The following ZCWPW2 variants were observed in gnomAD, a reference collection of about 807,000 sequenced individuals.
ZCWPW2 encodes the protein zinc finger CW-type and PWWP domain containing 2.
In ZCWPW2, 45 loss-of-function variants were observed where a neutral mutation model predicts 46.6. The observed-to-expected ratio is 0.96, with a 90% CI of 0.76 to 1.24. The LOEUF is 1.24. Among genes scored for constraint, ZCWPW2 ranks in the 50% most tolerant of loss-of-function variants. ZCWPW2 has a pLI of 0.00. For missense variants in ZCWPW2, 429 were observed against 403.9 expected (o/e 1.06, Z -0.53); for synonymous variants, 152 against 137.1 (o/e 1.11, Z -0.76).
chr3:28,432,429 T>C (rs1386450431), intron 3 of ZCWPW2, among the ~76,000 whole-genome samples: 2 of 152,192 alleles, frequency 1.3e-5, no homozygotes, highest in African/African-American at 2.4e-5. Flanking sequence ...GATTTTTGAA[T>C]GGTTTGGTAT....
intron 4 of ZCWPW2, among the ~76,000 whole-genome samples, chr3:28,453,847 TTA>T (rs1559510854): frequency 1.4e-5 from 2 of 148,110 alleles, no homozygotes; most frequent in African/African-American, 4.9e-5. Context: ...ATTTTTTTTA[TTA>T]TTATTTTTTT....
At chr3:28,465,167 A>G (rs1295924529) in intron 4 of ZCWPW2, among the ~76,000 whole-genome samples, 3 of 152,202 alleles carry the variant, frequency 2.0e-5, no homozygotes, top group African/African-American at 7.2e-5. Context: ...TATAATATAA[A>G]TGTGTTCCAA....
intron 6 of ZCWPW2, among the ~76,000 whole-genome samples, chr3:28,512,966 A>C (rs1353033866): frequency 6.6e-6 from 1 of 152,180 alleles, no homozygotes; most frequent in Non-Finnish European, 1.5e-5. Flanking sequence ...AAATTAGATG[A>C]ATTTTTATAA....
chr3:28,367,579 T>G (rs1340455121), intron 1 of ZCWPW2, among the ~76,000 whole-genome samples: 7 of 152,224 alleles, frequency 4.6e-5, no homozygotes, highest in African/African-American at 1.7e-4. Flanking sequence ...TTGGTCAGTT[T>G]TGGAACAGGT....
At chr3:28,353,314 T>G (rs916743234) in intron 1 of ZCWPW2, among the ~76,000 whole-genome samples, 3 of 152,224 alleles carry the variant, frequency 2.0e-5, no homozygotes, top group Non-Finnish European at 4.4e-5. Flanking sequence ...ATTTTAAAAT[T>G]TACTTTTTTT....
intron 8 of ZCWPW2, among the ~76,000 whole-genome samples, chr3:28,519,514 G>A (rs1700662975): frequency 6.6e-6 from 1 of 152,142 alleles, no homozygotes; most frequent in Non-Finnish European, 1.5e-5. Context: ...ATCATAACCT[G>A]CTATGATTTT....
At chr3:28,485,390 T>C (rs1699564697) in intron 5 of ZCWPW2, among the ~76,000 whole-genome samples, 2 of 152,206 alleles carry the variant, frequency 1.3e-5, no homozygotes, top group Non-Finnish European at 2.9e-5. Flanking sequence ...TTGGATGAAG[T>C]AGATTACAGA....
At chr3:28,393,909 A>T (rs2125720738) in intron 2 of ZCWPW2, among the ~76,000 whole-genome samples, 1 of 152,260 alleles carries the variant, frequency 6.6e-6, no homozygotes. Context: ...CTTCTGTGCA[A>T]CATACTAGAA....
intron 1 of ZCWPW2, among the ~76,000 whole-genome samples, chr3:28,374,382 G>A (rs1196308149): frequency 6.6e-6 from 1 of 151,994 alleles, no homozygotes; most frequent in Non-Finnish European, 1.5e-5. Context: ...GGTTACTTTG[G>A]CTTTGTATAG....
At position 28,460,252 on chromosome 3, in the gene ZCWPW2, CT is replaced by C. The variant is rs75406240; in HGVS notation, c.493-18544del. On this transcript the variant is annotated intron_variant, in intron 4 of 9. Coordinates refer to ENST00000383768, the MANE Select transcript of ZCWPW2 (RefSeq NM_001040432.4). ...AGGGGTCACACTAAACAGAGCTAGA[CT>C]TTTTTTTTTTTTTTTTTAGCTTTAA... Among the ~76,000 whole-genome samples the C allele has an allele frequency of 5.7e-3, 717 of 125,390 alleles. 4 individuals carry two copies. Among genetic ancestry groups the C allele is most frequent in the East Asian group, 0.015 (63 of 4,262 alleles). 82.3% of individuals were successfully genotyped at this position (125,390 alleles called of 152,430 possible).
At chr3:28,479,856 T>C (rs1246782238) in intron 5 of ZCWPW2, among the ~76,000 whole-genome samples, 1 of 152,190 alleles carries the variant, frequency 6.6e-6, no homozygotes, top group Non-Finnish European at 1.5e-5. Flanking sequence ...CTCATCTCAC[T>C]CTTTTCTATG....
chr3:28,404,497 C>A (rs1448830624), intron 2 of ZCWPW2, among the ~76,000 whole-genome samples: 1 of 152,072 alleles, frequency 6.6e-6, no homozygotes, highest in Non-Finnish European at 1.5e-5. Context: ...GTAGAACTGC[C>A]ATTTGATCTA....
At chr3:28,441,126 G>A (rs947861118) in intron 4 of ZCWPW2, among the ~76,000 whole-genome samples, 1 of 152,150 alleles carries the variant, frequency 6.6e-6, no homozygotes, top group African/African-American at 2.4e-5. Context: ...GGGGAAAGAG[G>A]CTGAGTGGTG....
chr3:28,408,179 A>G (rs1190866616), intron 2 of ZCWPW2, among the ~76,000 whole-genome samples: 1 of 152,196 alleles, frequency 6.6e-6, no homozygotes, highest in African/African-American at 2.4e-5. Flanking sequence ...GTTATCCACT[A>G]TGAGACCCAA....
chr3:28,420,801 G>A (rs1559497227), intron 3 of ZCWPW2, among the ~76,000 whole-genome samples: 2 of 151,678 alleles, frequency 1.3e-5, no homozygotes, highest in African/African-American at 2.4e-5. Flanking sequence ...TTATTTGTTC[G>A]GAAGGCAAGA....
At chr3:28,405,753 C>T (rs977679237) in intron 2 of ZCWPW2, among the ~76,000 whole-genome samples, 3 of 152,160 alleles carry the variant, frequency 2.0e-5, no homozygotes, top group Non-Finnish European at 4.4e-5. Flanking sequence ...GGATTATAGA[C>T]ATGAGTCACC....
At chr3:28,408,357 C>A (rs1286094059) in intron 2 of ZCWPW2, among the ~76,000 whole-genome samples, 1 of 152,168 alleles carries the variant, frequency 6.6e-6, no homozygotes, top group African/African-American at 2.4e-5. Flanking sequence ...TGGACAAAAT[C>A]CTACATGATT....
chr3:28,380,957 T>C lies in ZCWPW2; in HGVS notation c.-133-9541T>C, dbSNP rs1290628978. ...TGGTATATATATATATATATATATA[T>C]ATATATATATATATTTGGTATATAT... On this transcript the variant is annotated intron_variant, in intron 1 of 9. Transcript: ENST00000383768. Among the ~76,000 whole-genome samples, 43 of 46,046 alleles carry C rather than the reference T, an allele frequency of 9.3e-4. 10 individuals carry two copies. Among genetic ancestry groups the C allele is most frequent in the Middle Eastern group, 9.8e-3 (1 of 102 alleles). The allele number at this position is 46,046 out of a possible 152,430, so 30.2% of individuals were successfully genotyped here.
At chr3:28,453,301 C>G (rs948425255) in intron 4 of ZCWPW2, among the ~76,000 whole-genome samples, 1 of 152,146 alleles carries the variant, frequency 6.6e-6, no homozygotes, top group Non-Finnish European at 1.5e-5. Flanking sequence ...TTGAATTCAC[C>G]TCTATCATCT....
Sources: allele counts gnomAD v4.1 joint callset (sites outside exome capture counted in the v4.1 genomes callset), GRCh38; gene constraint gnomAD v4.1.1; transcripts MANE v1.5; gene names NCBI Gene and HGNC (gene_info 2026-07-23, HGNC 2026-07-21).